ZNF423: variants seen among roughly 807,000 people sequenced by gnomAD.
ZNF423 encodes the protein zinc finger protein 423, also known as Ebf-associated zinc finger protein.
A neutral mutation model predicts 95.8 loss-of-function variants in ZNF423; 12 were observed. That is an observed-to-expected ratio of 0.13 (90% confidence interval 0.08 to 0.20). The LOEUF is 0.20. Ranked by LOEUF, ZNF423 falls within the 10% of genes least tolerant of loss-of-function variation. The pLI, the probability that ZNF423 is intolerant of heterozygous loss-of-function variation, is 1.00. For missense variants in ZNF423, 1,316 were observed against 1,737.1 expected, an observed-to-expected ratio of 0.76 and a Z score of 4.31; for synonymous variants, 749 against 711.9, an observed-to-expected ratio of 1.05 and a Z score of -0.83.
chr16:49,825,773 C>T (rs988192520), intron 1 of ZNF423, among the ~76,000 whole-genome samples: 2 of 152,310 alleles, frequency 1.3e-5, no homozygotes, highest in Admixed American at 6.5e-5. Context: ...TGAGCGAGGG[C>T]GTGAATGAAC....
intron 7 of ZNF423, among the ~76,000 whole-genome samples, chr16:49,494,004 G>A (rs996979009): frequency 7.2e-5 from 11 of 152,234 alleles, no homozygotes; most frequent in Non-Finnish European, 1.6e-4. Context: ...ACCAACATGG[G>A]CACAGGGGGT....
intron 2 of ZNF423, among the ~76,000 whole-genome samples, chr16:49,768,844 A>G (rs909828513): frequency 1.3e-5 from 2 of 151,764 alleles, no homozygotes; most frequent in Non-Finnish European, 1.5e-5. Context: ...TACCCCCTCA[A>G]CATCTCACGG....
chr16:49,626,304 A>G (rs756417565), intron 4 of ZNF423, 50 bp from the exon 5 acceptor site: 56 of 1,593,802 alleles, frequency 3.5e-5, no homozygotes, highest in Non-Finnish European at 4.6e-5. Flanking sequence ...AGGTAGGAAA[A>G]AGGAGAAAGC....
At chr16:49,545,528 C>G (rs186402337) in intron 5 of ZNF423, among the ~76,000 whole-genome samples, 1 of 152,272 alleles carries the variant, frequency 6.6e-6, no homozygotes, top group East Asian at 1.9e-4. Flanking sequence ...CCAGGGTGAC[C>G]CCCCACTCTA....
At chr16:49,653,733 C>T (rs559029746) in intron 3 of ZNF423, among the ~76,000 whole-genome samples, 1 of 152,176 alleles carries the variant, frequency 6.6e-6, no homozygotes, top group African/African-American at 2.4e-5. Flanking sequence ...CTGTGGCATG[C>T]CAAACCTACT....
intron 3 of ZNF423, among the ~76,000 whole-genome samples, chr16:49,692,565 GA>G (rs1369238685): frequency 2.0e-5 from 3 of 152,228 alleles, no homozygotes; most frequent in Non-Finnish European, 2.9e-5. Flanking sequence ...TGGAGACTGA[GA>G]AGCCTGCAGC....
chr16:49,535,489 G>A lies in ZNF423; in HGVS notation c.3602-9995C>T, dbSNP rs181728439. Among the ~76,000 whole-genome samples the A allele has an allele frequency of 7.9e-5, 12 of 152,232 alleles. No individual in the cohort carries two copies. In the East Asian group the frequency reaches 1.9e-3, roughly 24 times the overall value. On this transcript the variant is annotated intron_variant, in intron 5 of 7. Coordinates refer to ENST00000563137, the MANE Select transcript of ZNF423 (RefSeq NM_001379286.1). ...AAAGAAAAGACAAAGATCAGGTCCCGGACATAACACCAAGAGACAGGAGGT... is the reference window on the plus strand; with the variant it reads ...AAAGAAAAGACAAAGATCAGGTCCCAGACATAACACCAAGAGACAGGAGGT...
intron 2 of ZNF423, among the ~76,000 whole-genome samples, chr16:49,770,048 A>G (rs1168355464): frequency 2.0e-5 from 3 of 152,042 alleles, no homozygotes; most frequent in Non-Finnish European, 2.9e-5. Context: ...ATTTTTATTC[A>G]TTGATTCATT....
intron 5 of ZNF423, among the ~76,000 whole-genome samples, chr16:49,616,256 A>T (rs1445623464): frequency 2.0e-5 from 3 of 152,298 alleles, no homozygotes; most frequent in Non-Finnish European, 2.9e-5. Flanking sequence ...ACTCATTTGT[A>T]GGAGCTAAAA....
chr16:49,792,593 C>T (rs550289622), intron 1 of ZNF423, among the ~76,000 whole-genome samples: 1 of 152,354 alleles, frequency 6.6e-6, no homozygotes, highest in South Asian at 2.1e-4. Flanking sequence ...TGTGGGTCAC[C>T]TTACTTACGA....
chr16:49,581,710 G>A (rs372599583), intron 5 of ZNF423, among the ~76,000 whole-genome samples: 3 of 152,140 alleles, frequency 2.0e-5, no homozygotes, highest in Non-Finnish European at 4.4e-5. Flanking sequence ...TTGTTCAAAC[G>A]AAATAATATT....
chr16:49,652,554 A>T (rs1457140023), intron 3 of ZNF423, among the ~76,000 whole-genome samples: 4 of 152,244 alleles, frequency 2.6e-5, no homozygotes, highest in African/African-American at 9.6e-5. Flanking sequence ...CCTCCTGCGC[A>T]CCCTGACATC....
chr16:49,697,240 T>C (rs1170756273), intron 3 of ZNF423, among the ~76,000 whole-genome samples: 1 of 152,126 alleles, frequency 6.6e-6, no homozygotes, highest in African/African-American at 2.4e-5. Flanking sequence ...GTCACCTGGT[T>C]TCTGGGTACA....
chr16:49,593,457 C>T lies in ZNF423; in HGVS notation c.3601+32713G>A, dbSNP rs146571197. Among the ~76,000 whole-genome samples, 340 of 152,084 alleles carry T rather than the reference C, an allele frequency of 2.2e-3. 1 individual carries two copies. Among genetic ancestry groups the T allele is most frequent in the South Asian group, 0.011 (51 of 4,798 alleles). On this transcript the variant is annotated intron_variant, in intron 5 of 7. Transcript: ENST00000563137. ...CTCAAAAAAAAAAAAATTTCTCTGC[C>T]ATTCACAGACCTCACTCTTGTCCCT...
intron 1 of ZNF423, among the ~76,000 whole-genome samples, chr16:49,814,006 A>G (rs1428359987): frequency 6.6e-6 from 1 of 152,260 alleles, no homozygotes; most frequent in Admixed American, 6.5e-5. Context: ...GGACGTTAGC[A>G]GGATTTGCCG....
intron 2 of ZNF423, among the ~76,000 whole-genome samples, chr16:49,739,696 G>GTT (rs10574656): frequency 4.8e-4 from 25 of 52,598 alleles, no homozygotes; most frequent in Non-Finnish European, 7.8e-4. Flanking sequence ...TTTTTGTTTG[G>GTT]TTTTTTTTTT....
intron 1 of ZNF423, among the ~76,000 whole-genome samples, chr16:49,828,233 C>A (rs2035026710): frequency 6.6e-6 from 1 of 152,226 alleles, no homozygotes; most frequent in African/African-American, 2.4e-5. Flanking sequence ...TCAGCCATCG[C>A]TGCTTAGAAT....
intron 2 of ZNF423, among the ~76,000 whole-genome samples, chr16:49,760,816 AC>A (rs917980952): frequency 6.6e-6 from 1 of 150,664 alleles, no homozygotes; most frequent in Non-Finnish European, 1.5e-5. Context: ...GGTCCCCTCC[AC>A]CCCACTGACT....
At chr16:49,506,791 TG>T in intron 7 of ZNF423, among the ~76,000 whole-genome samples, 1 of 151,410 alleles carries the variant, frequency 6.6e-6, no homozygotes, top group East Asian at 2.0e-4. Flanking sequence ...GATGGATTGA[TG>T]GATGAGTGGA....
Sources: allele counts gnomAD v4.1 joint callset (sites outside exome capture counted in the v4.1 genomes callset), GRCh38; gene constraint gnomAD v4.1.1; transcripts MANE v1.5; gene names NCBI Gene and HGNC (gene_info 2026-07-23, HGNC 2026-07-21).